CSMD1: variants seen among roughly 807,000 people sequenced by gnomAD.
CSMD1 encodes CUB and sushi domain-containing protein 1.
In CSMD1, 213 loss-of-function variants were observed where a neutral mutation model predicts 417.5. The ratio of observed to expected loss-of-function variants is 0.51; its 90% CI spans 0.46 to 0.57. The LOEUF is 0.57. Ranked by LOEUF, CSMD1 falls within the 20% of genes least tolerant of loss-of-function variation. The probability of loss-of-function intolerance (pLI) is 0.00; values close to 1 mark genes in which losing one functional copy is unlikely to be tolerated. For synonymous variants in CSMD1, 2,862 were observed against 1,736.8 expected, an observed-to-expected ratio of 1.65 and a Z score of -16.11; for missense variants, 6,923 against 4,529.7, an observed-to-expected ratio of 1.53 and a Z score of -15.17.
chr8:3,701,856 G>C (rs1036338131), intron 7 of CSMD1, among the ~76,000 whole-genome samples: 2 of 152,178 alleles, frequency 1.3e-5, no homozygotes, highest in Non-Finnish European at 2.9e-5. Flanking sequence ...ACAAAAGCCA[G>C]AGGGAGATGG....
At chr8:4,121,502 A>AGG (rs1802485806) in intron 3 of CSMD1, among the ~76,000 whole-genome samples, 1 of 152,182 alleles carries the variant, frequency 6.6e-6, no homozygotes, top group African/African-American at 2.4e-5. Flanking sequence ...TCACTATAAT[A>AGG]ATATTAATTG....
At chr8:4,456,087 A>C (rs548948370) in intron 2 of CSMD1, among the ~76,000 whole-genome samples, 1 of 148,700 alleles carries the variant, frequency 6.7e-6, no homozygotes, top group Non-Finnish European at 1.5e-5. Flanking sequence ...AAAAAATGTG[A>C]AAGTACGTAC....
At chr8:3,406,994 G>A (rs564096683) in intron 14 of CSMD1, among the ~76,000 whole-genome samples, 2 of 152,092 alleles carry the variant, frequency 1.3e-5, no homozygotes, top group East Asian at 1.9e-4. Context: ...TGGCTGAGTG[G>A]GTGGGTGGAT....
chr8:3,575,099 C>T (rs367978331), intron 9 of CSMD1, 33 bp from the exon 10 acceptor site: 3 of 1,601,768 alleles, frequency 1.9e-6, no homozygotes, highest in East Asian at 2.3e-5. Flanking sequence ...TTATTTTCTA[C>T]AACATTGTGT....
At chr8:4,967,869 G>A (rs1368472312) in intron 1 of CSMD1, among the ~76,000 whole-genome samples, 2 of 152,170 alleles carry the variant, frequency 1.3e-5, no homozygotes, top group African/African-American at 2.4e-5. Flanking sequence ...GTCAAAGGAT[G>A]TGCTGACTCC....
At chr8:3,262,092 A>C (rs1394948605) in intron 26 of CSMD1, among the ~76,000 whole-genome samples, 1 of 151,242 alleles carries the variant, frequency 6.6e-6, no homozygotes, top group Non-Finnish European at 1.5e-5. Flanking sequence ...TCAATTAAAA[A>C]AGTAAAGGTT....
chr8:4,753,917 C>G (rs940043345), intron 1 of CSMD1, among the ~76,000 whole-genome samples: 1 of 152,164 alleles, frequency 6.6e-6, no homozygotes, highest in Non-Finnish European at 1.5e-5. Flanking sequence ...TCATCTGTTA[C>G]CAGCACATGC....
intron 5 of CSMD1, among the ~76,000 whole-genome samples, chr8:3,951,890 G>A (rs552578681): frequency 1.3e-5 from 2 of 151,230 alleles, no homozygotes; most frequent in African/African-American, 4.9e-5. Context: ...AGCTATCCTG[G>A]AGGAAAAAAA....
At position 3,774,815 on chromosome 8, in the gene CSMD1, C is replaced by T. The variant is rs186718980; in HGVS notation, c.819-20773G>A. On this transcript the variant is annotated intron_variant, in intron 5 of 69. Coordinates refer to ENST00000635120, the MANE Select transcript of CSMD1 (RefSeq NM_033225.6). Reference sequence around the variant, plus strand: ...TTTTTAAGCCATGACTGTGCTGCCCCGTCATTCTCAAGGGATACATTCCAA... The same window carrying T: ...TTTTTAAGCCATGACTGTGCTGCCCTGTCATTCTCAAGGGATACATTCCAA... Among the ~76,000 whole-genome samples the T allele has an allele frequency of 5.3e-5, 8 of 152,232 alleles. No homozygotes were observed. In the East Asian group the frequency reaches 5.8e-4, roughly 11 times the overall value.
intron 3 of CSMD1, among the ~76,000 whole-genome samples, chr8:4,055,052 T>C (rs1798620527): frequency 6.6e-6 from 1 of 152,192 alleles, no homozygotes; most frequent in Admixed American, 6.6e-5. Context: ...GAATATACTA[T>C]ATTCAAACAA....
intron 1 of CSMD1, among the ~76,000 whole-genome samples, chr8:4,864,005 A>T (rs944594835): frequency 5.3e-5 from 8 of 152,052 alleles, no homozygotes; most frequent in Non-Finnish European, 1.0e-4. Flanking sequence ...ATGTCTATAT[A>T]TGGCAATATG....
At chr8:4,180,955 G>C (rs1488054232) in intron 3 of CSMD1, among the ~76,000 whole-genome samples, 1 of 152,062 alleles carries the variant, frequency 6.6e-6, no homozygotes, top group East Asian at 1.9e-4. Flanking sequence ...AATTAAGCCG[G>C]GGATGATGCT....
chr8:3,318,402 C>A (rs1805922535), intron 23 of CSMD1, among the ~76,000 whole-genome samples: 1 of 152,188 alleles, frequency 6.6e-6, no homozygotes, highest in South Asian at 2.1e-4. Flanking sequence ...GAAGTGCCTG[C>A]TCGGCTTCAG....
At chr8:3,729,142 G>C (rs999160606) in intron 6 of CSMD1, among the ~76,000 whole-genome samples, 3 of 152,218 alleles carry the variant, frequency 2.0e-5, no homozygotes, top group South Asian at 4.1e-4. Context: ...AAACTCACTT[G>C]TGGAACATTT....
chr8:3,941,439 T>A (rs1480612486), intron 5 of CSMD1, among the ~76,000 whole-genome samples: 1 of 152,144 alleles, frequency 6.6e-6, no homozygotes. Flanking sequence ...TCTATAAAAT[T>A]TGATTGATTC....
At chr8:3,717,091 A>T (rs138156102) in intron 6 of CSMD1, among the ~76,000 whole-genome samples, 1 of 152,328 alleles carries the variant, frequency 6.6e-6, no homozygotes, top group East Asian at 1.9e-4. Flanking sequence ...TGGCTTTACC[A>T]TATCTCAACA....
At chr8:4,662,195 T>A (rs542500349) in intron 1 of CSMD1, among the ~76,000 whole-genome samples, 1 of 152,316 alleles carries the variant, frequency 6.6e-6, no homozygotes, top group East Asian at 1.9e-4. Flanking sequence ...CAGGGTCTAA[T>A]AACCTGACAT....
At chr8:3,543,924 T>TACAGGAAGAG (rs1798547904) in intron 10 of CSMD1, among the ~76,000 whole-genome samples, 1 of 152,148 alleles carries the variant, frequency 6.6e-6, no homozygotes, top group Non-Finnish European at 1.5e-5. Context: ...CTCCAGTGTT[T>TACAGGAAGAG]ACAGGAAGAG....
chr8:3,109,847 A>T (rs552738684), intron 43 of CSMD1, among the ~76,000 whole-genome samples: 37 of 151,830 alleles, frequency 2.4e-4, no homozygotes, highest in African/African-American at 8.7e-4. Flanking sequence ...CACACCACAC[A>T]GACACACCCA....
Sources: gnomAD v4.1 joint callset for allele counts (sites outside exome capture counted in the v4.1 genomes callset) on GRCh38, gnomAD v4.1.1 for gene constraint, MANE v1.5 for transcripts, NCBI Gene and HGNC (gene_info 2026-07-23, HGNC 2026-07-21) for gene names.